The following RIMBP2 variants were observed in gnomAD, a reference collection of about 807,000 sequenced individuals.
RIMBP2 encodes the protein RIMS-binding protein 2.
In RIMBP2, 48 loss-of-function variants were observed where a neutral mutation model predicts 118.6. That is an observed-to-expected ratio of 0.40 (90% CI 0.32 to 0.51). The LOEUF (loss-of-function observed/expected upper bound fraction) is 0.51. Ranked by LOEUF, RIMBP2 falls within the 20% of genes least tolerant of loss-of-function variation. The pLI, the probability that RIMBP2 is intolerant of heterozygous loss-of-function variation, is 0.41. For synonymous variants in RIMBP2, 762 were observed against 742.9 expected, an observed-to-expected ratio of 1.03 and a Z score of -0.42; for missense variants, 1,551 against 1,768.3, an observed-to-expected ratio of 0.88 and a Z score of 2.20.
intron 1 of RIMBP2, chr12:130,667,897 A>G (rs1217553035): frequency 6.6e-6 from 1 of 151,668 alleles, no homozygotes; most frequent in Non-Finnish European, 1.5e-5. Context: ...CACATTTGGG[A>G]CCCTCCCTCA....
chr12:130,435,007 G>T, intron 13 of RIMBP2, 127 bp from the exon 14 acceptor site: 2 of 934,458 alleles, frequency 2.1e-6, no homozygotes, highest in Non-Finnish European at 3.1e-6. Context: ...AGTGCTTTGG[G>T]CCCAGCTCTG....
In RIMBP2 at chr12:130,424,585, G is replaced by C. The variant is rs1026230329; in HGVS notation, c.2686C>G (p.His896Asp). 5.7e-6 allele frequency: 7 copies of C among 1,231,862 alleles called. No individual in the cohort carries two copies. The East Asian group carries it at 1.9e-4, about 33-fold the overall frequency. The allele number at this position is 1,231,862 out of a possible 1,614,324, so 76.3% of individuals were successfully genotyped here. A position where few individuals can be genotyped will look rare whatever the true frequency, so the allele number is the denominator to read the frequency against. The change falls in exon 16 of 23, where the codon CAC (histidine) becomes GAC (aspartate). Residue 896 changes from histidine (H) to aspartate (D), a missense_variant. His to Asp is a moderately conservative substitution (Grantham distance 81). This residue lies in a region of RIMBP2 where 1,038 missense variants were observed against 1,125.1 expected (regional missense o/e 0.92). Transcript: ENST00000690449. This position sits in a 1 kb window ranked among gnomAD's most constrained non-coding sequence, Gnocchi z 9.8. ...VKHRGSGAVP[H>D]VEDFLLEDRG... ...TCTTCCAGAAGGAAGTCCTCCACGT[G>C]GGGGACGGCCCCCGAGCCCCTGTGC...
At chr12:130,399,843 T>C (rs1347735201) in intron 21 of RIMBP2, 30 bp from the exon 22 acceptor site, 3 of 1,611,930 alleles carry the variant, frequency 1.9e-6, no homozygotes, top group Non-Finnish European at 1.7e-6. Context: ...GCAGAAGAAC[T>C]ATTTATTTTT....
chr12:130,656,012 C>T (rs1199199455), intron 1 of RIMBP2, among the ~76,000 whole-genome samples: 2 of 152,192 alleles, frequency 1.3e-5, no homozygotes, highest in East Asian at 1.9e-4. Flanking sequence ...TCTCTCATGT[C>T]CATCTTAGAG....
Position 130,623,732 on chromosome 12 carries a change from T to C in RIMBP2, c.-217+4590A>G, listed in dbSNP as rs2061458586. On this transcript the variant is annotated intron_variant, in intron 2 of 22. Coordinates refer to ENST00000690449, the MANE Select transcript of RIMBP2 (RefSeq NM_001393629.1). The surrounding 1 kb of genome is among the most constrained non-coding windows in gnomAD (Gnocchi z 4.1). ...AGCTGAGACCCAAGCCTGACCTACA[T>C]GCAGGGCAAGCAAGACATGCTGGAG... 6.6e-6 allele frequency among the ~76,000 whole-genome samples: 1 copy of C among 152,160 alleles called. No homozygotes were observed. The highest frequency in any genetic ancestry group is 2.1e-4 in the South Asian group (1 of 4,826).
Position 130,412,617 on chromosome 12 carries a change from A to G in RIMBP2, c.3589+2T>C. The G allele has an allele frequency of 1.9e-6, 3 of 1,613,378 alleles. No homozygotes were observed. Among genetic ancestry groups the G allele is most frequent in the Non-Finnish European group, 2.5e-6 (3 of 1,179,670 alleles). On this transcript the variant is annotated splice_donor_variant, in intron 19 of 22. Coordinates refer to ENST00000690449, the MANE Select transcript of RIMBP2 (RefSeq NM_001393629.1). LOFTEE classifies it high-confidence loss of function. ...GAAGGTCGAATAGGGGTTTGCGCTTACCTATTTTCTCCACAGGTGTATTCA... is the reference window on the plus strand; with the variant it reads ...GAAGGTCGAATAGGGGTTTGCGCTTGCCTATTTTCTCCACAGGTGTATTCA...
In RIMBP2 at chr12:130,450,929, G is replaced by A. The variant is rs184382225; in HGVS notation, c.504+266C>T. On this transcript the variant is annotated intron_variant, in intron 8 of 22. Coordinates refer to ENST00000690449, the MANE Select transcript of RIMBP2 (RefSeq NM_001393629.1). The surrounding 1 kb of genome is among the most constrained non-coding windows in gnomAD (Gnocchi z 4.8). ...TTGCTGCGTCATCCTTGCACCCCTC[G>A]ATGGGATTTGCTTTTCTAAACGCTG... 1.4e-4 allele frequency among the ~76,000 whole-genome samples: 22 copies of A among 152,240 alleles called. No individual in the cohort carries two copies. Among genetic ancestry groups the A allele is most frequent in the Admixed American group, 4.6e-4 (7 of 15,284 alleles).
intron 7 of RIMBP2, among the ~76,000 whole-genome samples, chr12:130,452,309 G>T (rs2079068164): frequency 6.6e-6 from 1 of 152,196 alleles, no homozygotes; most frequent in Non-Finnish European, 1.5e-5. Context: ...CACAACGGCT[G>T]CCCTAGGAGC....
At chr12:130,517,756 C>T in intron 3 of RIMBP2, 72 bp downstream of exon 3, 1 of 518,236 alleles carries the variant, frequency 1.9e-6, no homozygotes, top group Non-Finnish European at 2.5e-6. Context: ...TGCCCCTTCC[C>T]AGTTGTTCCT....
chr12:130,619,218 G>A (rs79338549), intron 2 of RIMBP2, among the ~76,000 whole-genome samples: 1 of 152,118 alleles, frequency 6.6e-6, no homozygotes, highest in South Asian at 2.1e-4. Context: ...AATACTACGC[G>A]AGCAAAGGTG....
In RIMBP2 at chr12:130,604,582, C is replaced by CTTTTTTTTTTTTTTTTTTTTTTT. The variant is rs777097560; in HGVS notation, c.-217+23739_-217+23740insAAAAAAAAAAAAAAAAAAAAAAA. Among the ~76,000 whole-genome samples, 2 of 67,268 alleles carry CTTTTTTTTTTTTTTTTTTTTTTT rather than the reference C, an allele frequency of 3.0e-5. 1 individual carries two copies. The highest frequency in any genetic ancestry group is 1.2e-4 in the African/African-American group (2 of 16,722). The allele number at this position is 67,268 out of a possible 152,430, so 44.1% of individuals were successfully genotyped here. On this transcript the variant is annotated intron_variant, in intron 2 of 22. Transcript: ENST00000690449. ...AGTGCCCTATACAGATGCCCCTTTTCTTTCTTTTTTTTTTTTTTTGAGACA... is the reference window on the plus strand; with the variant it reads ...AGTGCCCTATACAGATGCCCCTTTTCTTTTTTTTTTTTTTTTTTTTTTTTTTCTTTTTTTTTTTTTTTGAGACA...
Position 130,525,600 on chromosome 12 carries a change from T to C in RIMBP2, c.-216-7683A>G, listed in dbSNP as rs2052692291. Among the ~76,000 whole-genome samples, 1 of 151,736 alleles carries C rather than the reference T, an allele frequency of 6.6e-6. No homozygotes were observed. Among genetic ancestry groups the C allele is most frequent in the East Asian group, 1.9e-4 (1 of 5,138 alleles). ...GAAGCCCAGTCAAGGCTGAGGGTGG[T>C]AACGTTCATGGGGGCATTGGCAGGT... On this transcript the variant is annotated intron_variant, in intron 2 of 22. Coordinates refer to ENST00000690449, the MANE Select transcript of RIMBP2 (RefSeq NM_001393629.1). The surrounding 1 kb of genome is among the most constrained non-coding windows in gnomAD (Gnocchi z 4.4).
intron 1 of RIMBP2, among the ~76,000 whole-genome samples, chr12:130,645,371 G>A (rs112150200): frequency 7.2e-5 from 11 of 152,296 alleles, no homozygotes; most frequent in African/African-American, 2.2e-4. Flanking sequence ...TTATCCAGAG[G>A]AGAAAATAAA....
chr12:130,538,380 G>T (rs1184474333), intron 2 of RIMBP2, among the ~76,000 whole-genome samples: 1 of 151,860 alleles, frequency 6.6e-6, no homozygotes, highest in East Asian at 1.9e-4. Flanking sequence ...TTTGTCCTTG[G>T]TCCTCACTGC....
In RIMBP2 at chr12:130,424,846, G is replaced by T; in HGVS notation, c.2425C>A (p.His809Asn). ...CAGAAAGTGCCTTCCGAGGTCCTAT[G>T]GTCAGTGCAGTCCTTACGGGGTGGT... Reference protein sequence around the residue: ...SHNALKDCTDHRTSEGTFWEQ... With the variant: ...SHNALKDCTDNRTSEGTFWEQ... Residue 809 changes from histidine to asparagine, a missense_variant, in exon 16 of 23, where the codon CAT becomes AAT. Coordinates refer to ENST00000690449, the MANE Select transcript of RIMBP2 (RefSeq NM_001393629.1). This position sits in a 1 kb window ranked among gnomAD's most constrained non-coding sequence, Gnocchi z 9.8. 8.1e-7 allele frequency: 1 copy of T among 1,232,508 alleles called. No homozygotes were observed. The highest frequency in any genetic ancestry group is 1.0e-6 in the Non-Finnish European group (1 of 988,268). 76.3% of individuals were successfully genotyped at this position (1,232,508 alleles called of 1,614,324 possible).
chr12:130,428,441 G>C (rs772176899), intron 14 of RIMBP2, 104 bp from the exon 15 acceptor site: 6 of 1,242,602 alleles, frequency 4.8e-6, no homozygotes, highest in Non-Finnish European at 6.7e-6. Context: ...TGACTCACGG[G>C]GCTCACAGGC....
At chr12:130,531,985 AG>A (rs2053444176) in intron 2 of RIMBP2, among the ~76,000 whole-genome samples, 1 of 103,256 alleles carries the variant, frequency 9.7e-6, no homozygotes, top group Non-Finnish European at 1.9e-5. Context: ...AGCCTCTAGG[AG>A]GTACGTCTAA....
At chr12:130,485,797 G>A (rs1305280852) in intron 4 of RIMBP2, among the ~76,000 whole-genome samples, 3 of 152,192 alleles carry the variant, frequency 2.0e-5, no homozygotes, top group Admixed American at 1.3e-4. Flanking sequence ...GCTATGCTGG[G>A]CTCTTGCTTC....
rs2061336925 is a variant in RIMBP2, at chr12:130,621,889, C to T, written c.-217+6433G>A. ...GAGGCCAGCAGGCCAGCATCACACA[C>T]ACTTCCCGACAGGCCCAGGACAGCA... On this transcript the variant is annotated intron_variant, in intron 2 of 22. Transcript: ENST00000690449. The surrounding 1 kb of genome is among the most constrained non-coding windows in gnomAD (Gnocchi z 6.6). Among the ~76,000 whole-genome samples the T allele has an allele frequency of 6.6e-6, 1 of 152,216 alleles. No individual in the cohort carries two copies. Among genetic ancestry groups the T allele is most frequent in the Non-Finnish European group, 1.5e-5 (1 of 68,048 alleles).
Sources: allele counts gnomAD v4.1 joint callset (sites outside exome capture counted in the v4.1 genomes callset), GRCh38; gene constraint gnomAD v4.1.1; regional missense constraint gnomAD v4.1.1; non-coding constraint Gnocchi (gnomAD v3.1); transcripts MANE v1.5; gene names NCBI Gene and HGNC (gene_info 2026-07-23, HGNC 2026-07-21).